KIAA0825: variants seen among roughly 807,000 people sequenced by gnomAD.
KIAA0825 encodes uncharacterized protein KIAA0825.
A neutral mutation model predicts 147.6 loss-of-function variants in KIAA0825; 119 were observed. That is an observed-to-expected ratio of 0.81 (90% CI 0.69 to 0.94). KIAA0825 has a LOEUF of 0.94. Ranked by LOEUF, KIAA0825 falls within the 40% of genes least tolerant of loss-of-function variation. The pLI, the probability that KIAA0825 is intolerant of heterozygous loss-of-function variation, is 0.00. For synonymous variants in KIAA0825, 470 were observed against 518.1 expected (o/e 0.91, Z 1.26); for missense variants, 1,381 against 1,472.7 (o/e 0.94, Z 1.02).
At chr5:94,263,897 A>C (rs1776618519) in intron 20 of KIAA0825, among the ~76,000 whole-genome samples, 2 of 152,022 alleles carry the variant, frequency 1.3e-5, no homozygotes, top group African/African-American at 4.8e-5. Flanking sequence ...GTGAATTACG[A>C]AAGTACAGAA....
chr5:94,318,412 C>T (rs1779856694), intron 20 of KIAA0825, among the ~76,000 whole-genome samples: 3 of 151,784 alleles, frequency 2.0e-5, no homozygotes, highest in Admixed American at 2.0e-4. Context: ...TACATTTTCT[C>T]ATACAAATAA....
chr5:94,417,424 G>A (rs1010443631), intron 14 of KIAA0825, 59 bp from the exon 15 acceptor site: 8 of 1,380,136 alleles, frequency 5.8e-6, no homozygotes, highest in Non-Finnish European at 7.9e-6. Context: ...CAGTGAATAT[G>A]ATTAAACTCT....
At chr5:94,331,252 T>C (rs1481926012) in intron 20 of KIAA0825, among the ~76,000 whole-genome samples, 1 of 152,082 alleles carries the variant, frequency 6.6e-6, no homozygotes, top group South Asian at 2.1e-4. Flanking sequence ...GGGATATCAC[T>C]ATAGACTCTA....
intron 3 of KIAA0825, 118 bp downstream of exon 3, chr5:94,536,878 G>T: frequency 7.7e-6 from 5 of 646,858 alleles, no homozygotes; most frequent in Non-Finnish European, 1.3e-5. Context: ...TATTTTGGGG[G>T]AAAGTTAATG....
intron 2 of KIAA0825, chr5:94,569,478 G>A (rs1427930337): frequency 2.7e-5 from 11 of 409,916 alleles, no homozygotes; most frequent in South Asian, 1.3e-4. Context: ...ATTCTCGCAC[G>A]GACTACAACC....
At chr5:94,449,494 T>A (rs1758125885) in intron 13 of KIAA0825, among the ~76,000 whole-genome samples, 1 of 152,142 alleles carries the variant, frequency 6.6e-6, no homozygotes, top group Non-Finnish European at 1.5e-5. Context: ...ATGGAAATCA[T>A]GATCAAGACT....
chr5:94,421,520 T>C (rs775941473), intron 14 of KIAA0825, among the ~76,000 whole-genome samples: 1 of 152,240 alleles, frequency 6.6e-6, no homozygotes, highest in African/African-American at 2.4e-5. Context: ...CTTAGCAGTA[T>C]TTATTCCTTC....
rs140040308 is a variant in KIAA0825, at chr5:94,599,436, A to C, written c.-152-16853T>G. On this transcript the variant is annotated intron_variant, in intron 1 of 20. Transcript: ENST00000682413. ...GGGAAAATATTAGTCTTCTCAAAAA[A>C]TGTTGCTGAGACACTAAATATCAAC... Among the ~76,000 whole-genome samples the C allele has an allele frequency of 2.0e-3, 303 of 151,734 alleles. 2 individuals are homozygous for C. Among genetic ancestry groups the C allele is most frequent in the African/African-American group, 7.1e-3 (295 of 41,410 alleles).
At chr5:94,311,251 T>TG (rs1034634984) in intron 20 of KIAA0825, among the ~76,000 whole-genome samples, 11 of 151,196 alleles carry the variant, frequency 7.3e-5, no homozygotes, top group Admixed American at 1.3e-4. Flanking sequence ...GGGTTTTTTT[T>TG]TTGTTGTTGT....
chr5:94,236,496 A>G (rs976705964), intron 20 of KIAA0825, among the ~76,000 whole-genome samples: 4 of 152,244 alleles, frequency 2.6e-5, no homozygotes, highest in Non-Finnish European at 4.4e-5. Flanking sequence ...AAGGTGCTTT[A>G]AACACTTAAA....
At chr5:94,515,628 C>A (rs924544945) in intron 5 of KIAA0825, among the ~76,000 whole-genome samples, 2 of 151,724 alleles carry the variant, frequency 1.3e-5, no homozygotes, top group African/African-American at 4.9e-5. Context: ...CCCGTCTCTA[C>A]TAAAAATACA....
intron 20 of KIAA0825, among the ~76,000 whole-genome samples, chr5:94,260,939 G>C (rs541094514): frequency 1.3e-5 from 2 of 152,120 alleles, no homozygotes; most frequent in African/African-American, 2.4e-5. Flanking sequence ...TTTTAATCAT[G>C]GTCCATTTTT....
intron 20 of KIAA0825, among the ~76,000 whole-genome samples, chr5:94,298,940 T>G (rs1562356112): frequency 6.6e-6 from 1 of 152,114 alleles, no homozygotes; most frequent in Non-Finnish European, 1.5e-5. Flanking sequence ...GCTCTTAGGA[T>G]AGGTAACAGG....
intron 20 of KIAA0825, among the ~76,000 whole-genome samples, chr5:94,242,884 G>C (rs984422295): frequency 7.2e-5 from 11 of 152,138 alleles, no homozygotes; most frequent in African/African-American, 2.7e-4. Flanking sequence ...GCCTCTCAAA[G>C]TGCTGGGATT....
intron 5 of KIAA0825, among the ~76,000 whole-genome samples, chr5:94,497,479 C>G (rs538376389): frequency 6.6e-6 from 1 of 151,954 alleles, no homozygotes; most frequent in Non-Finnish European, 1.5e-5. Context: ...GTGGAAAGCA[C>G]GAATACTACA....
chr5:94,550,216 G>T (rs932753066), intron 2 of KIAA0825, among the ~76,000 whole-genome samples: 1 of 152,170 alleles, frequency 6.6e-6, no homozygotes, highest in African/African-American at 2.4e-5. Flanking sequence ...GTCCTGCACA[G>T]CTGGGAAACC....
intron 12 of KIAA0825, among the ~76,000 whole-genome samples, chr5:94,456,153 C>A (rs564116940): frequency 2.6e-5 from 4 of 152,122 alleles, no homozygotes; most frequent in African/African-American, 7.2e-5. Flanking sequence ...CTGGAGAATG[C>A]GGACATACAT....
intron 20 of KIAA0825, among the ~76,000 whole-genome samples, chr5:94,200,445 T>C (rs1771563575): frequency 6.6e-6 from 1 of 152,172 alleles, no homozygotes; most frequent in Non-Finnish European, 1.5e-5. Flanking sequence ...GTCTACTTGA[T>C]GTTCTTTTCT....
chr5:94,275,125 T>C (rs949940568), intron 20 of KIAA0825, among the ~76,000 whole-genome samples: 6 of 152,140 alleles, frequency 3.9e-5, no homozygotes, highest in African/African-American at 1.4e-4. Flanking sequence ...ATCTAAGAAA[T>C]AGTCTTCAAG....
Sources: allele counts gnomAD v4.1 joint callset (sites outside exome capture counted in the v4.1 genomes callset), GRCh38; gene constraint gnomAD v4.1.1; transcripts MANE v1.5; gene names NCBI Gene and HGNC (gene_info 2026-07-23, HGNC 2026-07-21).